Variants in GALNT2 observed in about 807,000 individuals in gnomAD.
The protein encoded by GALNT2 is polypeptide N-acetylgalactosaminyltransferase 2.
GALNT2 carries 31 observed loss-of-function variants against 81.4 expected under a neutral mutation model. The observed-to-expected ratio is 0.38, with a 90% CI of 0.29 to 0.51. The LOEUF is 0.51. Among genes scored for constraint, GALNT2 ranks in the 20% least tolerant of loss-of-function variants. The pLI is 0.87. For missense variants in GALNT2, 629 were observed against 765.7 expected (o/e 0.82, Z 2.11); for synonymous variants, 303 against 287.4 (o/e 1.05, Z -0.55).
At chr1:230,142,859 C>T (rs555408263) in intron 1 of GALNT2, among the ~76,000 whole-genome samples, 1 of 152,162 alleles carries the variant, frequency 6.6e-6, no homozygotes, top group Non-Finnish European at 1.5e-5. Flanking sequence ...TCCTTCTGTT[C>T]ATTTAAAGCC....
intron 1 of GALNT2, among the ~76,000 whole-genome samples, chr1:230,075,512 G>GC (rs1659517313): frequency 6.6e-6 from 1 of 152,214 alleles, no homozygotes; most frequent in African/African-American, 2.4e-5. Flanking sequence ...ATCCTCAGCT[G>GC]CCCCTCCGGA....
At chr1:230,184,442 G>A (rs1663257995) in intron 2 of GALNT2, among the ~76,000 whole-genome samples, 1 of 151,948 alleles carries the variant, frequency 6.6e-6, no homozygotes, top group Non-Finnish European at 1.5e-5. Flanking sequence ...ACCCACCTTG[G>A]CCTCTCAGAG....
chr1:230,242,258 A>T (rs972670629), intron 6 of GALNT2, among the ~76,000 whole-genome samples: 1 of 152,166 alleles, frequency 6.6e-6, no homozygotes, highest in Admixed American at 6.5e-5. Context: ...TATTTTGCTC[A>T]GAGTTTATAA....
At chr1:230,073,273 A>G (rs1241691800) in intron 1 of GALNT2, among the ~76,000 whole-genome samples, 4 of 152,172 alleles carry the variant, frequency 2.6e-5, no homozygotes, top group Admixed American at 2.0e-4. Context: ...GATCTTCATG[A>G]TGAACCCAGT....
upstream of GALNT2, among the ~76,000 whole-genome samples, chr1:230,063,324 A>T (rs1205287598): frequency 6.6e-6 from 1 of 152,014 alleles, no homozygotes; most frequent in African/African-American, 2.4e-5. Flanking sequence ...AAAAAAAAAA[A>T]ATTTTATATA....
At chr1:230,204,889 A>T (rs763486554) in intron 3 of GALNT2, among the ~76,000 whole-genome samples, 4 of 152,172 alleles carry the variant, frequency 2.6e-5, no homozygotes, top group Non-Finnish European at 5.9e-5. Context: ...TAGGGGTGGC[A>T]GGTGCACCAG....
chr1:230,191,972 G>C (rs879646931), intron 2 of GALNT2, among the ~76,000 whole-genome samples: 3 of 152,226 alleles, frequency 2.0e-5, no homozygotes, highest in Non-Finnish European at 2.9e-5. Context: ...CACACCTGGA[G>C]AGATGATGTC....
chr1:230,187,612 C>G (rs1283815907), intron 2 of GALNT2, among the ~76,000 whole-genome samples: 1 of 152,244 alleles, frequency 6.6e-6, no homozygotes, highest in Non-Finnish European at 1.5e-5. Flanking sequence ...GTCAGTGTGA[C>G]AGCCTTTTGC....
chr1:230,218,032 AG>A (rs1310675900), intron 3 of GALNT2, among the ~76,000 whole-genome samples: 1 of 152,134 alleles, frequency 6.6e-6, no homozygotes, highest in Non-Finnish European at 1.5e-5. Flanking sequence ...GTTTTTTAAA[AG>A]GTTGCTGTGA....
chr1:230,180,745 G>A (rs936220175), intron 2 of GALNT2, among the ~76,000 whole-genome samples: 1 of 152,144 alleles, frequency 6.6e-6, no homozygotes, highest in African/African-American at 2.4e-5. Context: ...CCCCATGAAT[G>A]TCAAATATTT....
chr1:230,085,068 G>A (rs1228050060), intron 1 of GALNT2, among the ~76,000 whole-genome samples: 1 of 152,158 alleles, frequency 6.6e-6, no homozygotes, highest in East Asian at 1.9e-4. Context: ...TGAGGTACAG[G>A]AGAGAGCTGA....
At chr1:230,086,417 C>T (rs1184820571) in intron 1 of GALNT2, among the ~76,000 whole-genome samples, 1 of 152,114 alleles carries the variant, frequency 6.6e-6, no homozygotes, top group Non-Finnish European at 1.5e-5. Flanking sequence ...AGGAAAAATG[C>T]CTAAGTCAAG....
At chr1:230,113,454 A>G (rs1660759116) in intron 1 of GALNT2, among the ~76,000 whole-genome samples, 2 of 152,124 alleles carry the variant, frequency 1.3e-5, no homozygotes, top group South Asian at 4.1e-4. Flanking sequence ...ATTGAGGAAC[A>G]GCTGTGGTAG....
chr1:230,168,159 C>T (rs77386904), intron 1 of GALNT2, among the ~76,000 whole-genome samples: 11 of 144,260 alleles, frequency 7.6e-5, no homozygotes, highest in Non-Finnish European at 1.1e-4. Flanking sequence ...GAAAATGGAG[C>T]CATAAAAGAC....
intron 3 of GALNT2, among the ~76,000 whole-genome samples, chr1:230,232,401 C>G (rs537482665): frequency 1.3e-5 from 2 of 152,230 alleles, no homozygotes; most frequent in African/African-American, 4.8e-5. Flanking sequence ...TCCAGAGCCC[C>G]GTGAGACTTT....
At chr1:230,186,816 T>A (rs1253227289) in intron 2 of GALNT2, among the ~76,000 whole-genome samples, 2 of 152,286 alleles carry the variant, frequency 1.3e-5, no homozygotes, top group African/African-American at 4.8e-5. Context: ...TAATTTTTGA[T>A]AAATGCACAA....
At chr1:230,129,586 C>T (rs1296002667) in intron 1 of GALNT2, among the ~76,000 whole-genome samples, 1 of 152,196 alleles carries the variant, frequency 6.6e-6, no homozygotes, top group Non-Finnish European at 1.5e-5. Context: ...TACCAAAGTC[C>T]TGGTGTTATA....
At chr1:230,151,378 G>A (rs1297287400) in intron 1 of GALNT2, among the ~76,000 whole-genome samples, 2 of 152,198 alleles carry the variant, frequency 1.3e-5, no homozygotes, top group Admixed American at 6.5e-5. Context: ...TCCACGTAGT[G>A]CCTCCAGGAA....
chr1:230,250,379 C>T, intron 9 of GALNT2, 78 bp from the exon 10 acceptor site: 1 of 1,037,602 alleles, frequency 9.6e-7, no homozygotes, highest in African/African-American at 1.6e-5. Context: ...CAAGGCTTGG[C>T]CTTGGCGCAA....
Sources: gnomAD v4.1 joint callset for allele counts (sites outside exome capture counted in the v4.1 genomes callset) on GRCh38, gnomAD v4.1.1 for gene constraint, MANE v1.5 for transcripts, NCBI Gene and HGNC (gene_info 2026-07-23, HGNC 2026-07-21) for gene names.